SERPINB10: variants seen among roughly 807,000 people sequenced by gnomAD.
The protein encoded by SERPINB10 is serpin B10.
SERPINB10 carries 35 observed loss-of-function variants against 39.1 expected under a neutral mutation model. The observed-to-expected ratio is 0.90, with a 90% CI of 0.68 to 1.19. SERPINB10 has a LOEUF of 1.19. Ranked by LOEUF, SERPINB10 falls within the 50% of genes most tolerant of loss-of-function variation. The pLI is 0.00. For synonymous variants in SERPINB10, 190 were observed against 158.1 expected, an observed-to-expected ratio of 1.20 and a Z score of -1.52; for missense variants, 546 against 460.5, an observed-to-expected ratio of 1.19 and a Z score of -1.70.
chr18:63,911,258 T>C (rs1322035733), intron 1 of SERPINB10, among the ~76,000 whole-genome samples: 6 of 152,140 alleles, frequency 3.9e-5, no homozygotes, highest in Non-Finnish European at 8.8e-5. Flanking sequence ...TGATAGTTTC[T>C]TTTGCTGTGC....
At chr18:63,912,354 C>T (rs558862681) in intron 1 of SERPINB10, among the ~76,000 whole-genome samples, 42 of 152,072 alleles carry the variant, frequency 2.8e-4, no homozygotes, top group Middle Eastern at 3.4e-3. Flanking sequence ...GCATTCTTGT[C>T]TTGTTCCAGT....
intron 2 of SERPINB10, among the ~76,000 whole-genome samples, chr18:63,916,819 G>A (rs1294241159): frequency 1.3e-5 from 2 of 151,938 alleles, no homozygotes; most frequent in Non-Finnish European, 2.9e-5. Context: ...TGTTAACATG[G>A]GTCAATGCAA....
At chr18:63,924,108 T>C (rs147069575) in intron 5 of SERPINB10, among the ~76,000 whole-genome samples, 1 of 152,114 alleles carries the variant, frequency 6.6e-6, no homozygotes, top group African/African-American at 2.4e-5. Context: ...TTCTCTCTCA[T>C]AGGGTGGATT....
chr18:63,933,274 G>A, intron 7 of SERPINB10, 71 bp downstream of exon 7: 3 of 1,528,074 alleles, frequency 2.0e-6, no homozygotes, highest in Non-Finnish European at 2.7e-6. Flanking sequence ...GCTTGGCCAA[G>A]GTTTCTCCCA....
intron 5 of SERPINB10, among the ~76,000 whole-genome samples, chr18:63,923,804 TC>T (rs2050162239): frequency 6.6e-6 from 1 of 151,898 alleles, no homozygotes; most frequent in African/African-American, 2.4e-5. Context: ...GCTTTGATTT[TC>T]CATTTATATT....
chr18:63,921,197 T>C (rs1262001204), intron 5 of SERPINB10, among the ~76,000 whole-genome samples: 2 of 151,974 alleles, frequency 1.3e-5, no homozygotes, highest in Non-Finnish European at 2.9e-5. Context: ...TCATTTGTCA[T>C]TAATGAATAT....
chr18:63,915,196 G>A (rs1159367311), intron 1 of SERPINB10, among the ~76,000 whole-genome samples: 1 of 152,060 alleles, frequency 6.6e-6, no homozygotes, highest in Non-Finnish European at 1.5e-5. Flanking sequence ...AAACAAAACT[G>A]GTGGTGTGAA....
At chr18:63,910,589 C>CA (rs2050056904) in intron 1 of SERPINB10, among the ~76,000 whole-genome samples, 1 of 151,962 alleles carries the variant, frequency 6.6e-6, no homozygotes, top group Non-Finnish European at 1.5e-5. Context: ...CTTAGGATAA[C>CA]AGCCTCTAGT....
chr18:63,920,007 G>A (rs17072152), intron 5 of SERPINB10, 102 bp downstream of exon 5: 35,522 of 615,666 alleles, frequency 0.058, 3,361 homozygotes, highest in African/African-American at 0.3. Context: ...TTAAATAGAA[G>A]TGTGGACACA....
Position 63,909,813 on chromosome 18 carries a change from A to C in SERPINB10, c.-10+1773A>C, listed in dbSNP as rs569276800. Among the ~76,000 whole-genome samples the C allele has an allele frequency of 3.9e-5, 6 of 152,106 alleles. No individual in the cohort carries two copies. In the South Asian group the frequency reaches 1.0e-3, roughly 26 times the overall value. ...GTAACAAAATGTTATTTGAATGAGT[A>C]AGAGCCTTAAAGGAAATACAGAGTT... On this transcript the variant is annotated intron_variant, in intron 1 of 7. Transcript: ENST00000238508.
In SERPINB10 at chr18:63,930,080, G is replaced by A. The variant is rs150310773; in HGVS notation, c.526G>A (p.Asp176Asn). The change falls in exon 6 of 8, where the codon GAT becomes AAT. Residue 176 changes from aspartate to asparagine, a missense_variant. Asp to Asn is a conservative substitution (Grantham distance 23). Coordinates refer to ENST00000238508, the MANE Select transcript of SERPINB10 (RefSeq NM_005024.3). Reference protein sequence around the residue: ...IQNLLPDDSVDSTTRMILVNA... With the variant: ...IQNLLPDDSVNSTTRMILVNA... ...GAATCTCCTGCCTGATGACTCTGTG[G>A]ATTCCACAACCAGGATGATTCTGGT... 7 of 1,613,300 alleles carry A rather than the reference G, an allele frequency of 4.3e-6. No individual in the cohort carries two copies. The African/African-American group carries it at 9.3e-5, about 22-fold the overall frequency.
rs560397479 is a variant in SERPINB10 at position 63,913,439 on chromosome 18, G to A, written c.-9-2063G>A. On this transcript the variant is annotated intron_variant, in intron 1 of 7. Transcript: ENST00000238508. ...TGCTATAAACTTTCCTCCTAACACTGCTTTTCGCTGCATCTTAGAGACTTT... is the reference window on the plus strand; with the variant it reads ...TGCTATAAACTTTCCTCCTAACACTACTTTTCGCTGCATCTTAGAGACTTT... 5.3e-5 allele frequency among the ~76,000 whole-genome samples: 8 copies of A among 152,008 alleles called. No individual in the cohort carries two copies. The South Asian group carries it at 1.7e-3, about 32-fold the overall frequency.
intron 5 of SERPINB10, 118 bp downstream of exon 5, chr18:63,920,023 A>T: frequency 1.9e-6 from 1 of 539,470 alleles, no homozygotes; most frequent in Non-Finnish European, 3.3e-6. Context: ...ACACATTGTA[A>T]ATATTCAGAA....
In SERPINB10 at chr18:63,935,246, C is replaced by T; in HGVS notation, c.*4C>T. 1.3e-6 allele frequency: 2 copies of T among 1,556,206 alleles called. No homozygotes were observed. Among genetic ancestry groups the T allele is most frequent in the Non-Finnish European group, 1.7e-6 (2 of 1,155,258 alleles). ...TGGAAGATTATGCTCCCCCTAAATC[C>T]TGCATATCTCTCAACAAACAAGACC... is the stretch of plus-strand genomic sequence containing the variant. On this transcript the variant is annotated 3_prime_UTR_variant, in exon 8 of 8. Coordinates refer to ENST00000238508, the MANE Select transcript of SERPINB10 (RefSeq NM_005024.3).
intron 2 of SERPINB10, among the ~76,000 whole-genome samples, chr18:63,915,904 C>A (rs76607318): frequency 0.016 from 2,383 of 152,038 alleles, 72 homozygotes; most frequent in African/African-American, 0.053. Flanking sequence ...TGTCCTTTAG[C>A]AAAATAAAAT....
chr18:63,908,491 A>C (rs981239102), intron 1 of SERPINB10, among the ~76,000 whole-genome samples: 1 of 151,986 alleles, frequency 6.6e-6, no homozygotes, highest in East Asian at 1.9e-4. Flanking sequence ...CCTATTCATT[A>C]ATATATGGAA....
In SERPINB10 at chr18:63,919,883, T is replaced by C. The variant is rs1489813633; in HGVS notation, c.468T>C (p.Ser156=). The C allele has an allele frequency of 6.2e-6, 10 of 1,608,966 alleles. No individual in the cohort carries two copies. The highest frequency in any genetic ancestry group is 8.5e-6 in the Non-Finnish European group (10 of 1,177,018). The change falls in exon 5 of 8, where the codon TCT becomes TCC. Residue 156 remains serine (S), a synonymous_variant. Transcript: ENST00000238508. The stretch of plus-strand genomic sequence containing the variant: ...ATCAAATCAGAAAGGACATCAACTC[T>C]TGGGTTGAAAGACAGACCGAGGGTA... ...ASDQIRKDIN[S]WVERQTEGKI...
At chr18:63,924,406 C>T (rs1433682795) in intron 5 of SERPINB10, among the ~76,000 whole-genome samples, 1 of 151,894 alleles carries the variant, frequency 6.6e-6, no homozygotes, top group Admixed American at 6.6e-5. Context: ...ATTGCTGGTA[C>T]CCAGGGAGGT....
intron 5 of SERPINB10, among the ~76,000 whole-genome samples, chr18:63,920,890 AG>A (rs1431550667): frequency 6.6e-6 from 1 of 151,950 alleles, no homozygotes; most frequent in Non-Finnish European, 1.5e-5. Flanking sequence ...TCTAAAAGGA[AG>A]TAGTAGAAGG....
Sources: allele counts gnomAD v4.1 joint callset (sites outside exome capture counted in the v4.1 genomes callset), GRCh38; gene constraint gnomAD v4.1.1; transcripts MANE v1.5; gene names NCBI Gene and HGNC (gene_info 2026-07-23, HGNC 2026-07-21).